The following LEPROTL1 variants were observed in gnomAD, a reference collection of about 807,000 sequenced individuals.
LEPROTL1 encodes the protein leptin receptor overlapping transcript like 1, also known as leptin receptor overlapping transcript-like 1.
A neutral mutation model predicts 15.4 loss-of-function variants in LEPROTL1; 6 were observed. The ratio of observed to expected loss-of-function variants is 0.39; its 90% confidence interval spans 0.21 to 0.77. The LOEUF is 0.77. Among genes scored for constraint, LEPROTL1 ranks in the 30% least tolerant of loss-of-function variants. LEPROTL1 has a pLI of 0.41. For missense variants in LEPROTL1, 128 were observed against 158.1 expected, an observed-to-expected ratio of 0.81 and a Z score of 1.02; for synonymous variants, 56 against 52.6, an observed-to-expected ratio of 1.06 and a Z score of -0.28.
intron 1 of LEPROTL1, among the ~76,000 whole-genome samples, chr8:30,100,282 A>C (rs866508431): frequency 6.6e-6 from 1 of 152,138 alleles, no homozygotes; most frequent in Non-Finnish European, 1.5e-5. Flanking sequence ...TGGTTTCTCT[A>C]TGTTAGCCTT....
chr8:30,118,861 A>G (rs1424163525), intron 3 of LEPROTL1, among the ~76,000 whole-genome samples: 1 of 152,172 alleles, frequency 6.6e-6, no homozygotes, highest in African/African-American at 2.4e-5. Flanking sequence ...GGCCGGATTT[A>G]TGCTTCTCTC....
chr8:30,096,332 A>C (rs1802366373), intron 1 of LEPROTL1: 1 of 984,810 alleles, frequency 1.0e-6, no homozygotes, highest in African/African-American at 1.8e-5. Flanking sequence ...TGTCAGTGTG[A>C]TGAGAAGCAA....
Position 30,106,831 on chromosome 8 carries a change from T to G in LEPROTL1, c.*969T>G. On this transcript the variant is annotated 3_prime_UTR_variant, in exon 4 of 4. Transcript: ENST00000321250. ...AGAAAACCTTCCTCTGCTTCCTCCTTTTGACTTATTTGGTATGTTGTATAT... is the reference window on the plus strand; with the variant it reads ...AGAAAACCTTCCTCTGCTTCCTCCTGTTGACTTATTTGGTATGTTGTATAT... The G allele has an allele frequency of 2.0e-6, 2 of 984,690 alleles. No individual in the cohort carries two copies. The highest frequency in any genetic ancestry group is 2.4e-6 in the Non-Finnish European group (2 of 828,860). 61.0% of individuals were successfully genotyped at this position (984,690 alleles called of 1,614,324 possible).
intron 1 of LEPROTL1, among the ~76,000 whole-genome samples, chr8:30,101,163 GT>G (rs959753985): frequency 2.6e-5 from 4 of 152,162 alleles, no homozygotes; most frequent in Non-Finnish European, 5.9e-5. Context: ...ATTAGAAGAG[GT>G]TTTCCTATAG....
intron 3 of LEPROTL1, chr8:30,132,212 CA>C (rs1803032969): frequency 6.4e-7 from 1 of 1,551,864 alleles, no homozygotes; most frequent in Non-Finnish European, 8.7e-7. Context: ...CAAACGAAAC[CA>C]AACACCTGTC....
At chr8:30,097,254 T>C (rs1585458899) in intron 1 of LEPROTL1, among the ~76,000 whole-genome samples, 1 of 152,334 alleles carries the variant, frequency 6.6e-6, no homozygotes, top group East Asian at 1.9e-4. Context: ...TTTCATAAGA[T>C]TGAAGAAACT....
downstream of LEPROTL1, among the ~76,000 whole-genome samples, chr8:30,109,503 A>G (rs995349288): frequency 1.4e-4 from 22 of 152,236 alleles, no homozygotes; most frequent in Non-Finnish European, 1.5e-4. Context: ...CTTAGAATAT[A>G]TTAAAACACT....
downstream of LEPROTL1, among the ~76,000 whole-genome samples, chr8:30,112,498 G>A (rs1480239474): frequency 7.2e-6 from 1 of 138,042 alleles, no homozygotes; most frequent in Non-Finnish European, 1.5e-5. Context: ...GACCTCAGGT[G>A]ATCTACCCAC....
At chr8:30,113,771 G>C (rs1486011272) in intron 3 of LEPROTL1, among the ~76,000 whole-genome samples, 4 of 152,142 alleles carry the variant, frequency 2.6e-5, no homozygotes, top group African/African-American at 7.2e-5. Context: ...CGTTTAGTGA[G>C]ACCCTCAAGC....
At chr8:30,096,906 G>C (rs1188344437) in intron 1 of LEPROTL1, among the ~76,000 whole-genome samples, 8 of 152,134 alleles carry the variant, frequency 5.3e-5, no homozygotes, top group Non-Finnish European at 1.0e-4. Context: ...GCTGTAATTA[G>C]AGACCATTAG....
downstream of LEPROTL1, chr8:30,137,797 C>T: frequency 5.4e-6 from 2 of 373,174 alleles, no homozygotes; most frequent in East Asian, 5.1e-5. Context: ...AACTAGACTG[C>T]CTTTGTAGGA....
chr8:30,095,686 G>A lies in LEPROTL1; in HGVS notation c.16+158G>A, dbSNP rs1802349406. Reference sequence around the variant, plus strand: ...CCCGCCCCGGCCCTGCGCTTGGCCCGGAGGTGGGCGCGGCGCCCTCGGGCA... The same window carrying A: ...CCCGCCCCGGCCCTGCGCTTGGCCCAGAGGTGGGCGCGGCGCCCTCGGGCA... On this transcript the variant is annotated intron_variant, in intron 1 of 3. Coordinates refer to ENST00000321250, the MANE Select transcript of LEPROTL1 (RefSeq NM_015344.3). 5.4e-6 allele frequency: 4 copies of A among 741,450 alleles called. No individual in the cohort carries two copies. The Admixed American group carries it at 7.3e-5, about 14-fold the overall frequency. 45.9% of individuals were successfully genotyped at this position (741,450 alleles called of 1,614,324 possible). A position where few individuals can be genotyped will look rare whatever the true frequency, so the allele number is the denominator to read the frequency against.
intron 3 of LEPROTL1, among the ~76,000 whole-genome samples, chr8:30,118,125 A>G (rs1403570153): frequency 2.0e-5 from 3 of 148,040 alleles, no homozygotes; most frequent in Non-Finnish European, 4.4e-5. Context: ...CCTGGGTTCA[A>G]GGGATTCTCC....
Position 30,107,865 on chromosome 8 carries a change from G to A in LEPROTL1, c.*2003G>A. On this transcript the variant is annotated 3_prime_UTR_variant, in exon 4 of 4. Transcript: ENST00000321250. ...TGGCCACAGACTTTTTCTAACAGCT[G>A]CGTATTATTTCTATATACTAACTGC... The A allele has an allele frequency of 1.0e-6, 1 of 985,216 alleles. No individual in the cohort carries two copies. The highest frequency in any genetic ancestry group is 1.2e-6 in the Non-Finnish European group (1 of 829,802). 61.0% of individuals were successfully genotyped at this position (985,216 alleles called of 1,614,324 possible). A position where few individuals can be genotyped will look rare whatever the true frequency, so the allele number is the denominator to read the frequency against.
chr8:30,137,572 C>G, exon 5 of LEPROTL1: 2 of 1,140,524 alleles, frequency 1.8e-6, no homozygotes, highest in East Asian at 5.2e-5. Context: ...GTCACAAAAT[C>G]ACATTTATAT....
intron 3 of LEPROTL1, among the ~76,000 whole-genome samples, chr8:30,119,633 C>T: frequency 6.6e-6 from 1 of 152,162 alleles, no homozygotes; most frequent in Non-Finnish European, 1.5e-5. Flanking sequence ...AAAGCCCTTT[C>T]TCCAAATATA....
At chr8:30,096,250 T>A (rs1802364312) in intron 1 of LEPROTL1, 32 of 955,890 alleles carry the variant, frequency 3.3e-5, no homozygotes, top group Non-Finnish European at 3.9e-5. Flanking sequence ...AATGAAAAAC[T>A]ACTGGCTTAT....
intron 3 of LEPROTL1, among the ~76,000 whole-genome samples, chr8:30,122,876 A>G (rs193130930): frequency 6.6e-6 from 1 of 152,344 alleles, no homozygotes; most frequent in African/African-American, 2.4e-5. Flanking sequence ...CAATTGTAAC[A>G]GTTACCTATT....
At chr8:30,132,549 ATCAG>A (rs1228206797) in intron 4 of LEPROTL1, 11 of 1,551,630 alleles carry the variant, frequency 7.1e-6, no homozygotes, top group Non-Finnish European at 9.6e-6. Flanking sequence ...ATTGCTGGCA[ATCAG>A]TCAGTCCCGC....
Sources: allele counts gnomAD v4.1 joint callset (sites outside exome capture counted in the v4.1 genomes callset), GRCh38; gene constraint gnomAD v4.1.1; transcripts MANE v1.5; gene names NCBI Gene and HGNC (gene_info 2026-07-23, HGNC 2026-07-21).